The following LIN52 variants were observed in gnomAD, a reference collection of about 807,000 sequenced individuals.
LIN52 encodes lin-52 DREAM MuvB core complex component.
In LIN52, 4 loss-of-function variants were observed where a neutral mutation model predicts 18.5. The ratio of observed to expected loss-of-function variants is 0.22; its 90% CI spans 0.11 to 0.49. The LOEUF (loss-of-function observed/expected upper bound fraction) is 0.49, where lower values mean the gene tolerates loss of function less well. Ranked by LOEUF, LIN52 falls within the 20% of genes least tolerant of loss-of-function variation. LIN52 has a pLI of 0.97. For synonymous variants in LIN52, 34 were observed against 45.5 expected (o/e 0.75, Z 1.02); for missense variants, 102 against 139.5 (o/e 0.73, Z 1.35).
intron 3 of LIN52, among the ~76,000 whole-genome samples, chr14:74,096,235 A>G (rs1294355460): frequency 1.3e-5 from 2 of 151,858 alleles, no homozygotes; most frequent in Non-Finnish European, 2.9e-5. Context: ...TAATTTTTGT[A>G]TTTTTAGTAG....
chr14:74,095,728 T>C (rs558242340), intron 2 of LIN52, among the ~76,000 whole-genome samples: 1 of 152,322 alleles, frequency 6.6e-6, no homozygotes, highest in African/African-American at 2.4e-5. Flanking sequence ...CTTGAGAAGC[T>C]TTTTATGCCC....
intron 2 of LIN52, among the ~76,000 whole-genome samples, chr14:74,093,969 G>A (rs1192834722): frequency 2.0e-5 from 3 of 147,836 alleles, no homozygotes; most frequent in Non-Finnish European, 4.5e-5. Flanking sequence ...AGCAACAAGA[G>A]TGAAACTCTG....
Position 74,165,196 on chromosome 14 carries a change from T to TA in LIN52, c.284-33725dup, listed in dbSNP as rs368024912. Among the ~76,000 whole-genome samples the TA allele has an allele frequency of 4.1e-3, 618 of 152,326 alleles. 4 individuals are homozygous for TA. Among genetic ancestry groups the TA allele is most frequent in the African/African-American group, 0.014 (588 of 41,568 alleles). On this transcript the variant is annotated intron_variant, in intron 5 of 5. Coordinates refer to ENST00000555028, the MANE Select transcript of LIN52 (RefSeq NM_001024674.3). ...GTAGAAACTGAATGTTAATTTAAGT[T>TA]ACCATGTATAACCCTGAGAAGATAG...
chr14:74,113,961 CTTTCTTTTCTTTTTTTTTTCT>C (rs1566851232), intron 5 of LIN52: 3 of 168,396 alleles, frequency 1.8e-5, no homozygotes, highest in African/African-American at 4.8e-5. Flanking sequence ...TGCTATTTTT[CTTTCTTTTCTTTTTTTTTTCT>C]TTTCTTTTCT....
At chr14:74,175,616 G>T (rs966587874) in intron 5 of LIN52, among the ~76,000 whole-genome samples, 7 of 151,818 alleles carry the variant, frequency 4.6e-5, no homozygotes, top group Non-Finnish European at 1.0e-4. Flanking sequence ...AGGATTGCTT[G>T]AGCCCAGGAG....
intron 5 of LIN52, among the ~76,000 whole-genome samples, chr14:74,143,895 T>C (rs529962967): frequency 6.6e-6 from 1 of 152,280 alleles, no homozygotes; most frequent in East Asian, 1.9e-4. Flanking sequence ...ATTGTAATTT[T>C]GTGCCTGTTG....
At chr14:74,196,650 C>T (rs560294730) in intron 5 of LIN52, among the ~76,000 whole-genome samples, 50 of 152,076 alleles carry the variant, frequency 3.3e-4, no homozygotes, top group African/African-American at 1.1e-3. Context: ...GAAAAGATTC[C>T]AAGGAACGGA....
At chr14:74,091,431 A>G (rs1016480294) in intron 2 of LIN52, 125 bp downstream of exon 2, 1 of 644,150 alleles carries the variant, frequency 1.6e-6, no homozygotes, top group Non-Finnish European at 2.6e-6. Flanking sequence ...CAAATTTAGC[A>G]GTGGGGGGTT....
chr14:74,165,772 G>A (rs2061247016), intron 5 of LIN52, among the ~76,000 whole-genome samples: 1 of 152,004 alleles, frequency 6.6e-6, no homozygotes, highest in Admixed American at 6.5e-5. Flanking sequence ...GCCTCCCAAA[G>A]TGTTGGGATT....
intron 5 of LIN52, among the ~76,000 whole-genome samples, chr14:74,162,503 C>A (rs2061230475): frequency 6.8e-6 from 1 of 147,586 alleles, no homozygotes; most frequent in Non-Finnish European, 1.5e-5. Context: ...AAAGATTGCT[C>A]TCCCACCCTC....
chr14:74,147,649 A>G (rs1037235891), intron 5 of LIN52, among the ~76,000 whole-genome samples: 1 of 152,270 alleles, frequency 6.6e-6, no homozygotes, highest in African/African-American at 2.4e-5. Context: ...ATGCAATGGA[A>G]TATTATTCAG....
At chr14:74,191,526 A>G (rs1242457255) in intron 5 of LIN52, among the ~76,000 whole-genome samples, 3 of 152,226 alleles carry the variant, frequency 2.0e-5, no homozygotes, top group African/African-American at 7.2e-5. Context: ...AGTCAAAACT[A>G]TAACTATAAC....
intron 5 of LIN52, among the ~76,000 whole-genome samples, chr14:74,103,075 CTGTTT>C (rs546838212): frequency 1.3e-5 from 2 of 152,016 alleles, no homozygotes; most frequent in East Asian, 1.9e-4. Flanking sequence ...CTTTCTTTTG[CTGTTT>C]TGTTTTGTTT....
At chr14:74,159,188 GTATC>G (rs1166561130) in intron 5 of LIN52, among the ~76,000 whole-genome samples, 3 of 152,032 alleles carry the variant, frequency 2.0e-5, no homozygotes, top group African/African-American at 7.2e-5. Context: ...AGTATAGAGT[GTATC>G]TTTTTATTTA....
intron 5 of LIN52, among the ~76,000 whole-genome samples, chr14:74,186,827 C>A (rs1299510145): frequency 6.6e-6 from 1 of 152,184 alleles, no homozygotes; most frequent in Non-Finnish European, 1.5e-5. Context: ...GCCTGTAATC[C>A]CAGTACTTTG....
At chr14:74,096,088 G>GTC in intron 3 of LIN52, 103 bp downstream of exon 3, 1 of 780,892 alleles carries the variant, frequency 1.3e-6, no homozygotes, top group Non-Finnish European at 2.0e-6. Context: ...TTATGGCAGA[G>GTC]TCTCACTCTT....
chr14:74,137,623 C>T (rs767661208), intron 5 of LIN52, among the ~76,000 whole-genome samples: 2 of 151,406 alleles, frequency 1.3e-5, no homozygotes, highest in African/African-American at 2.4e-5. Flanking sequence ...CTCAGCCTCC[C>T]GAGTAGCTGG....
chr14:74,103,680 A>T (rs1427347279), intron 5 of LIN52, among the ~76,000 whole-genome samples: 2 of 134,392 alleles, frequency 1.5e-5, no homozygotes, highest in African/African-American at 2.8e-5. Flanking sequence ...GATCTGCCCA[A>T]CTCCGCCTCC....
chr14:74,137,179 T>TA (rs1566858427), intron 5 of LIN52, among the ~76,000 whole-genome samples: 1 of 148,558 alleles, frequency 6.7e-6, no homozygotes, highest in East Asian at 1.9e-4. Context: ...TATATTTTTT[T>TA]AATCTATATT....
Sources: gnomAD v4.1 joint callset for allele counts (sites outside exome capture counted in the v4.1 genomes callset) on GRCh38, gnomAD v4.1.1 for gene constraint, MANE v1.5 for transcripts, NCBI Gene and HGNC (gene_info 2026-07-23, HGNC 2026-07-21) for gene names.